Variants in ALKBH3 observed in about 807,000 individuals in gnomAD.
The protein encoded by ALKBH3 is alpha-ketoglutarate-dependent dioxygenase alkB homolog 3.
In ALKBH3, 51 loss-of-function variants were observed where a neutral mutation model predicts 43.9. The ratio of observed to expected loss-of-function variants is 1.16; its 90% CI spans 0.93 to 1.47. The LOEUF (loss-of-function observed/expected upper bound fraction) is 1.47, where lower values mean the gene tolerates loss of function less well. ALKBH3 is among the 40% of genes most tolerant of loss of function. The probability of loss-of-function intolerance (pLI) is 0.00; values close to 1 mark genes in which losing one functional copy is unlikely to be tolerated. For missense variants in ALKBH3, 361 were observed against 351.9 expected (o/e 1.03, Z -0.21); for synonymous variants, 102 against 115.2 (o/e 0.89, Z 0.73).
chr11:43,887,890 G>A (rs1319926041), intron 5 of ALKBH3, among the ~76,000 whole-genome samples: 3 of 151,658 alleles, frequency 2.0e-5, no homozygotes, highest in South Asian at 2.1e-4. Flanking sequence ...CAGGGTTCAC[G>A]CCATTCTTCT....
chr11:43,886,935 A>G (rs1362544327), intron 5 of ALKBH3, among the ~76,000 whole-genome samples: 1 of 152,156 alleles, frequency 6.6e-6, no homozygotes, highest in Non-Finnish European at 1.5e-5. Flanking sequence ...AGGGAACAAT[A>G]GACACTGGGG....
At chr11:43,909,015 T>A (rs1951917003) in intron 8 of ALKBH3, among the ~76,000 whole-genome samples, 1 of 152,198 alleles carries the variant, frequency 6.6e-6, no homozygotes, top group Non-Finnish European at 1.5e-5. Flanking sequence ...CTCACCTTTC[T>A]CATTTGCCTC....
chr11:43,914,026 T>G (rs1951962310), intron 8 of ALKBH3, among the ~76,000 whole-genome samples: 1 of 152,224 alleles, frequency 6.6e-6, no homozygotes, highest in Non-Finnish European at 1.5e-5. Flanking sequence ...CCCCTGGTTC[T>G]GCATGGGTCC....
At chr11:43,898,219 G>A (rs1253628094) in intron 7 of ALKBH3, 21 of 1,065,644 alleles carry the variant, frequency 2.0e-5, no homozygotes, top group Admixed American at 5.2e-5. Context: ...TAGACTTCAC[G>A]GGTGGCTCCA....
chr11:43,909,209 G>A (rs1048609458), intron 8 of ALKBH3: 1 of 152,172 alleles, frequency 6.6e-6, no homozygotes, highest in Non-Finnish European at 1.5e-5. Flanking sequence ...TGTTTTTAAA[G>A]TAATGTACTT....
intron 1 of ALKBH3, among the ~76,000 whole-genome samples, chr11:43,882,131 T>A (rs1426251461): frequency 6.6e-6 from 1 of 152,172 alleles, no homozygotes; most frequent in African/African-American, 2.4e-5. Context: ...TAAATCAGAT[T>A]TTCTGAAGGT....
At chr11:43,885,900 G>A (rs961343290) in intron 4 of ALKBH3, among the ~76,000 whole-genome samples, 1 of 152,202 alleles carries the variant, frequency 6.6e-6, no homozygotes, top group Non-Finnish European at 1.5e-5. Flanking sequence ...AAAGTTTAAA[G>A]GCGGTGATGC....
chr11:43,919,584 A>C (rs1952010734), intron 9 of ALKBH3: 2 of 307,302 alleles, frequency 6.5e-6, no homozygotes, highest in Non-Finnish European at 1.2e-5. Context: ...CAAAACACTT[A>C]CCATAAGAAT....
intron 7 of ALKBH3, among the ~76,000 whole-genome samples, chr11:43,896,570 T>A (rs1951820572): frequency 1.3e-5 from 2 of 152,164 alleles, no homozygotes; most frequent in Non-Finnish European, 2.9e-5. Flanking sequence ...AGGGTGGGTC[T>A]GCCTTCCCTA....
intron 4 of ALKBH3, among the ~76,000 whole-genome samples, chr11:43,885,931 G>A (rs1951743349): frequency 6.6e-6 from 1 of 152,190 alleles, no homozygotes; most frequent in Non-Finnish European, 1.5e-5. Flanking sequence ...ATTTTTGAAA[G>A]GTGAATGAGA....
At chr11:43,911,290 G>A (rs34575084) in intron 8 of ALKBH3, among the ~76,000 whole-genome samples, 7,521 of 152,272 alleles carry the variant, frequency 0.049, 447 homozygotes, top group Admixed American at 0.2. Flanking sequence ...GAACTTGCCA[G>A]TAATATGTTA....
intron 8 of ALKBH3, among the ~76,000 whole-genome samples, chr11:43,913,205 T>A (rs1951955121): frequency 6.6e-6 from 1 of 152,106 alleles, no homozygotes; most frequent in South Asian, 2.1e-4. Flanking sequence ...AATTTTTTTT[T>A]AATTTTTGTT....
chr11:43,887,558 C>G (rs994994554), intron 5 of ALKBH3, among the ~76,000 whole-genome samples: 2 of 152,166 alleles, frequency 1.3e-5, no homozygotes, highest in African/African-American at 4.8e-5. Flanking sequence ...GATCCACCTG[C>G]CCCACCTTAG....
At chr11:43,881,716 C>T (rs1340401757) in intron 1 of ALKBH3, among the ~76,000 whole-genome samples, 1 of 152,118 alleles carries the variant, frequency 6.6e-6, no homozygotes, top group Non-Finnish European at 1.5e-5. Flanking sequence ...GGAGATGGGA[C>T]CTGGGAATCT....
chr11:43,898,747 G>A (rs1233371359), intron 7 of ALKBH3: 3 of 729,520 alleles, frequency 4.1e-6, no homozygotes, highest in African/African-American at 3.5e-5. Flanking sequence ...GTCACCCAGG[G>A]TATTTCCTGT....
At chr11:43,887,914 G>A (rs186302619) in intron 5 of ALKBH3, among the ~76,000 whole-genome samples, 11 of 151,050 alleles carry the variant, frequency 7.3e-5, no homozygotes, top group South Asian at 6.3e-4. Context: ...TCAGCCTCCC[G>A]AGTAGCTGGG....
intron 8 of ALKBH3, among the ~76,000 whole-genome samples, chr11:43,903,285 T>C (rs1951875177): frequency 6.6e-6 from 1 of 152,212 alleles, no homozygotes; most frequent in Non-Finnish European, 1.5e-5. Context: ...TTGCTATATT[T>C]GTTTTAGATA....
chr11:43,897,655 G>T (rs1951829005), intron 7 of ALKBH3: 1 of 893,564 alleles, frequency 1.1e-6, no homozygotes. Flanking sequence ...GATGCACCAA[G>T]ACTGCTGAAG....
At chr11:43,899,381 C>G in intron 7 of ALKBH3, 2 of 701,786 alleles carry the variant, frequency 2.8e-6, no homozygotes, top group Non-Finnish European at 5.4e-6. Context: ...GGATGATGTG[C>G]TCGCGTCCCT....
Sources: gnomAD v4.1 joint callset for allele counts (sites outside exome capture counted in the v4.1 genomes callset) on GRCh38, gnomAD v4.1.1 for gene constraint, MANE v1.5 for transcripts, NCBI Gene and HGNC (gene_info 2026-07-23, HGNC 2026-07-21) for gene names.